Variants in TTN observed in about 807,000 individuals in gnomAD.
TTN encodes the protein titin, also known as connectin.
A neutral mutation model predicts 3,223.0 loss-of-function variants in TTN; 1,525 were observed. The observed-to-expected ratio is 0.47, with a 90% CI of 0.45 to 0.49. The LOEUF is 0.49. Among genes scored for constraint, TTN ranks in the 20% least tolerant of loss-of-function variants. The probability of loss-of-function intolerance (pLI) is 0.00; values close to 1 mark genes in which losing one functional copy is unlikely to be tolerated. For synonymous variants in TTN, 14,094 were observed against 15,161.0 expected, an observed-to-expected ratio of 0.93 and a Z score of 5.17; for missense variants, 40,786 against 43,424.0, an observed-to-expected ratio of 0.94 and a Z score of 5.40.
At position 178,604,829 on chromosome 2, in the gene TTN, T is replaced by TCC; in HGVS notation, c.54258_54259dup (p.Asp18087GlyfsTer37). ...ACTGCCACCATTATCAAGAGGGGCATCCCATGTCAAGTAGCAAGATTCAGC... is the reference window on the plus strand; with the variant it reads ...ACTGCCACCATTATCAAGAGGGGCATCCCCCATGTCAAGTAGCAAGATTCAGC... On this transcript the variant is annotated frameshift_variant, in exon 281 of 363. Transcript: ENST00000589042. LOFTEE classifies it high-confidence loss of function. The TCC allele has an allele frequency of 6.2e-7, 1 of 1,612,444 alleles. No homozygotes were observed. The highest frequency in any genetic ancestry group is 8.5e-7 in the Non-Finnish European group (1 of 1,179,042).
rs767378433 is a variant in TTN at position 178,634,035 on chromosome 2, T to C, written c.42464A>G (p.Glu14155Gly). 1.9e-6 allele frequency: 3 copies of C among 1,613,114 alleles called. No homozygotes were observed. The highest frequency in any genetic ancestry group is 2.5e-6 in the Non-Finnish European group (3 of 1,179,472). ...ACAAACAAAAGTTGCTGTTTCACCT[T>C]CTTTTACTGTTTGATCTTCAAGAGG... is the stretch of plus-strand genomic sequence containing the variant. The part of the protein sequence containing the change: ...MSPLEDQTVK[E>G]GETATFVCEL... The change falls in exon 231 of 363, where the codon GAA (glutamate) becomes GGA (glycine). Residue 14155 changes from glutamate (E) to glycine (G), a missense_variant. Transcript: ENST00000589042. This position sits in a 1 kb window ranked among gnomAD's most constrained non-coding sequence, Gnocchi z 4.6.
chr2:178,764,827 G>A lies in TTN; in HGVS notation c.9704-16C>T. ...GGTTCAGGAGCTAGGAGTAAATGTT[G>A]ACAAATAGCCCATGAAAAAGTGTAA... On this transcript the variant is annotated splice_polypyrimidine_tract_variant and intron_variant, in intron 41 of 362. Coordinates refer to ENST00000589042, the MANE Select transcript of TTN (RefSeq NM_001267550.2). 6.2e-7 allele frequency: 1 copy of A among 1,611,962 alleles called. No homozygotes were observed. The highest frequency in any genetic ancestry group is 8.5e-7 in the Non-Finnish European group (1 of 1,179,756).
Position 178,561,395 on chromosome 2 carries a change from G to A in TTN, c.84737C>T (p.Pro28246Leu), listed in dbSNP as rs755762249. The A allele has an allele frequency of 2.5e-6, 4 of 1,613,604 alleles. No individual in the cohort carries two copies. The highest frequency in any genetic ancestry group is 3.4e-6 in the Non-Finnish European group (4 of 1,179,792). ...GTCACAAGGATCTCTTGCAGGGACTGGTTCACAAGATTTACTGCATTTACC... is the reference window on the plus strand; with the variant it reads ...GTCACAAGGATCTCTTGCAGGGACTAGTTCACAAGATTTACTGCATTTACC... ...GIGKCSKSCE[P>L]VPARDPCDPP... The change falls in exon 326 of 363, where the codon CCA becomes CTA. Residue 28246 changes from proline (P) to leucine (L), a missense_variant. Coordinates refer to ENST00000589042, the MANE Select transcript of TTN (RefSeq NM_001267550.2).
chr2:178,749,620 T>C, intron 47 of TTN: 1 of 1,612,224 alleles, frequency 6.2e-7, no homozygotes. Flanking sequence ...CACCAATATT[T>C]TCGAATTGAC....
In TTN at chr2:178,528,532, A is replaced by G; in HGVS notation, c.107219T>C (p.Leu35740Pro). 6.2e-7 allele frequency: 1 copy of G among 1,604,102 alleles called. No individual in the cohort carries two copies. Among genetic ancestry groups the G allele is most frequent in the Non-Finnish European group, 8.5e-7 (1 of 1,174,040 alleles). Reference sequence around the variant, plus strand: ...TATATTCATAATTAAACTTACTGGCAGGTTGTTTTTAAACCATTCGATTTC... The same window carrying G: ...TATATTCATAATTAAACTTACTGGCGGGTTGTTTTTAAACCATTCGATTTC... ...SPEIEWFKNN[L>P]PISISSNVSI... is the part of the protein sequence containing the mutation. Residue 35740 changes from leucine to proline, a missense_variant, in exon 360 of 363, where the codon CTG becomes CCG. Leu to Pro is a moderately conservative substitution (Grantham distance 98, BLOSUM62 -3). Transcript: ENST00000589042.
intron 3 of TTN, among the ~76,000 whole-genome samples, chr2:178,801,893 A>C (rs2094084145): frequency 6.6e-6 from 1 of 152,190 alleles, no homozygotes; most frequent in Non-Finnish European, 1.5e-5. Context: ...TCCTTAACAT[A>C]CTTTTGAGTG....
chr2:178,798,959 A>C (rs1044450129), intron 6 of TTN: 1 of 157,350 alleles, frequency 6.4e-6, no homozygotes, highest in East Asian at 1.8e-4. Context: ...TACATGAAAT[A>C]TAAATAAGAA....
rs1327514162 is a variant in TTN, at chr2:178,577,832, G to A, written c.68594C>T (p.Pro22865Leu). The part of the protein sequence containing the change: ...RNSVTLIWTE[P>L]KYDGGHKLTG... ...TAACTTATGACCACCGTCATATTTA[G>A]GTTCAGTCCAAATGAGAGTCACTGA... Residue 22865 changes from proline to leucine, a missense_variant, in exon 323 of 363, where the codon CCT becomes CTT. Physicochemically the swap from Pro to Leu is moderately conservative, Grantham distance 98 (BLOSUM62 -3). Coordinates refer to ENST00000589042, the MANE Select transcript of TTN (RefSeq NM_001267550.2). 2.5e-6 allele frequency: 4 copies of A among 1,610,058 alleles called. No homozygotes were observed. The highest frequency in any genetic ancestry group is 2.2e-5 in the East Asian group (1 of 44,676).
intron 13 of TTN, among the ~76,000 whole-genome samples, chr2:178,786,564 G>A (rs2093198334): frequency 6.6e-6 from 1 of 152,118 alleles, no homozygotes; most frequent in African/African-American, 2.4e-5. Flanking sequence ...TGACAGTGAT[G>A]ATATAAGTGC....
At chr2:178,546,939 C>T (rs768657313) in intron 340 of TTN, 34 bp from the exon 341 acceptor site, 11 of 1,574,746 alleles carry the variant, frequency 7.0e-6, no homozygotes, top group Non-Finnish European at 9.5e-6. Flanking sequence ...TTAAAATATA[C>T]CACTCTGAGT....
chr2:178,679,691 A>C lies in TTN; in HGVS notation c.33581-9T>G. 2 of 1,601,798 alleles carry C rather than the reference A, an allele frequency of 1.2e-6. No homozygotes were observed. Among genetic ancestry groups the C allele is most frequent in the Non-Finnish European group, 1.7e-6 (2 of 1,175,790 alleles). On this transcript the variant is annotated splice_polypyrimidine_tract_variant and intron_variant, in intron 140 of 362. Transcript: ENST00000589042. ...CCTGGGTACCTCAGGCACTTTAAAG[A>C]TATTATTAAGAATGTTGGAAATTTT...
rs1052676263 is a variant in TTN, at chr2:178,665,424, T to C, written c.35996A>G (p.Lys11999Arg). 1 of 1,612,366 alleles carries C rather than the reference T, an allele frequency of 6.2e-7. No individual in the cohort carries two copies. Among genetic ancestry groups the C allele is most frequent in the African/African-American group, 1.3e-5 (1 of 74,928 alleles). The change falls in exon 165 of 363, where the codon AAA (lysine) becomes AGA (arginine). Residue 11999 changes from lysine (K) to arginine (R), a missense_variant. By Grantham distance (26) the Lys-to-Arg change is conservative. Coordinates refer to ENST00000589042, the MANE Select transcript of TTN (RefSeq NM_001267550.2). ...EAMKEVVPEM[K>R]IFEDVPEEPE... The stretch of plus-strand genomic sequence containing the variant: ...CTCTTCAGGTACATCCTCAAATATT[T>C]TCATTTCAGGGACAACTTCTTTCAT...
chr2:178,774,424 TTC>T lies in TTN; in HGVS notation c.6838_6839del (p.Glu2280IlefsTer22). On this transcript the variant is annotated frameshift_variant, in exon 30 of 363. Transcript: ENST00000589042. LOFTEE classifies it high-confidence loss of function. The stretch of plus-strand genomic sequence containing the variant: ...TGCACTCTAATTCTCCTGAATATGA[TTC>T]TGGAACTTCTATGTCCTGAAGTTCT... Reference protein sequence around the residue: ...VKELQDIEVPESYSGELECIV... With the variant: ...VKELQDIEVPXSYSGELECIV... 6.2e-7 allele frequency: 1 copy of T among 1,613,746 alleles called. No homozygotes were observed. Among genetic ancestry groups the T allele is most frequent in the Non-Finnish European group, 8.5e-7 (1 of 1,179,944 alleles).
intron 47 of TTN, among the ~76,000 whole-genome samples, chr2:178,742,182 C>T (rs1004597325): frequency 1.3e-5 from 2 of 152,188 alleles, no homozygotes; most frequent in Admixed American, 1.3e-4. Flanking sequence ...TTTAAAAATG[C>T]TCTCATGAGT....
In TTN at chr2:178,587,559, G is replaced by C. The variant is rs773738001; in HGVS notation, c.63750C>G (p.Asn21250Lys). 1.2e-6 allele frequency: 2 copies of C among 1,611,970 alleles called. No homozygotes were observed. The highest frequency in any genetic ancestry group is 4.5e-5 in the East Asian group (2 of 44,560). The change falls in exon 306 of 363, where the codon AAC becomes AAG. Residue 21250 changes from asparagine to lysine, a missense_variant. Coordinates refer to ENST00000589042, the MANE Select transcript of TTN (RefSeq NM_001267550.2). ...CGAATACAGCCTTTTCTCCTGCTGG[G>C]TTCACAAGTGTTAAGGAATATTTTC... is the stretch of plus-strand genomic sequence containing the variant. ...DSGKYSLTLV[N>K]PAGEKAVFVN...
In TTN at chr2:178,746,036, G is replaced by A. The variant is rs749371657; in HGVS notation, c.11312-4115C>T. 5.0e-6 allele frequency: 8 copies of A among 1,613,254 alleles called. No homozygotes were observed. The highest frequency in any genetic ancestry group is 6.8e-6 in the Non-Finnish European group (8 of 1,179,558). ...GATAGCCTCTCCTACACAATTCACA[G>A]CTCTGCACCTGTATGTTGCACTATC... On this transcript the variant is annotated intron_variant, in intron 47 of 362. Coordinates refer to ENST00000589042, the MANE Select transcript of TTN (RefSeq NM_001267550.2).
chr2:178,593,096 A>G lies in TTN; in HGVS notation c.59036-13T>C, dbSNP rs1250573708. 1 of 1,610,996 alleles carries G rather than the reference A, an allele frequency of 6.2e-7. No homozygotes were observed. Among genetic ancestry groups the G allele is most frequent in the East Asian group, 2.2e-5 (1 of 44,648 alleles). On this transcript the variant is annotated splice_polypyrimidine_tract_variant and intron_variant, in intron 299 of 362. Coordinates refer to ENST00000589042, the MANE Select transcript of TTN (RefSeq NM_001267550.2). Reference sequence around the variant, plus strand: ...GGACTTGGTTTAGCTAAAAAATAAAAGTAAAAAACGAATTAGCATATAGCT... The same window carrying G: ...GGACTTGGTTTAGCTAAAAAATAAAGGTAAAAAACGAATTAGCATATAGCT...
At position 178,607,848 on chromosome 2, in the gene TTN, C is replaced by T. The variant is rs2055289563; in HGVS notation, c.52939G>A (p.Val17647Ile). ...GADYKLRVSAVNAAGEGPPGE... is the reference protein window; with the variant it reads ...GADYKLRVSAINAAGEGPPGE... ...GGCGGTCCTTCCCCTGCGGCATTGA[C>T]AGCACTCACCCGAAGTTTGTAATCA... Residue 17647 changes from valine to isoleucine, a missense_variant, in exon 276 of 363, where the codon GTC becomes ATC. Coordinates refer to ENST00000589042, the MANE Select transcript of TTN (RefSeq NM_001267550.2). The T allele has an allele frequency of 3.1e-6, 5 of 1,613,058 alleles. No individual in the cohort carries two copies. The highest frequency in any genetic ancestry group is 1.3e-5 in the African/African-American group (1 of 74,974).
Position 178,557,786 on chromosome 2 carries a change from C to G in TTN, c.87568G>C (p.Ala29190Pro), listed in dbSNP as rs779302987. The G allele has an allele frequency of 1.2e-6, 2 of 1,613,948 alleles. No individual in the cohort carries two copies. The highest frequency in any genetic ancestry group is 1.7e-6 in the Non-Finnish European group (2 of 1,179,840). The change falls in exon 328 of 363, where the codon GCA becomes CCA. Residue 29190 changes from alanine (A) to proline (P), a missense_variant. Physicochemically the swap from Ala to Pro is conservative, Grantham distance 27. Transcript: ENST00000589042. ...TTCATCATGGTTCTTGCAACTGTTG[C>G]AGACACTTCAGTCCACACTGCAGTA... ...TSTAVWTEVS[A>P]TVARTMMKVM...
Sources: gnomAD v4.1 joint callset for allele counts (sites outside exome capture counted in the v4.1 genomes callset) on GRCh38, gnomAD v4.1.1 for gene constraint, Gnocchi (gnomAD v3.1) non-coding constraint, MANE v1.5 for transcripts, NCBI Gene and HGNC (gene_info 2026-07-23, HGNC 2026-07-21) for gene names.